The following OTUD7B variants were observed in gnomAD, a reference collection of about 807,000 sequenced individuals.
OTUD7B encodes the protein OTU deubiquitinase 7B.
In OTUD7B, 34 loss-of-function variants were observed where a neutral mutation model predicts 82.2. That is an observed-to-expected ratio of 0.41 (90% CI 0.31 to 0.55). OTUD7B has a LOEUF of 0.55. OTUD7B is among the 20% of genes least tolerant of loss of function. The pLI, the probability that OTUD7B is intolerant of heterozygous loss-of-function variation, is 0.20. For synonymous variants in OTUD7B, 398 were observed against 402.7 expected (o/e 0.99, Z 0.14); for missense variants, 944 against 1,062.1 (o/e 0.89, Z 1.55).
chr1:150,065,850 T>C, the OTUD7B span, among the ~76,000 whole-genome samples: 1 of 152,204 alleles, frequency 6.6e-6, no homozygotes, highest in South Asian at 2.1e-4. Context: ...GTTCAAAATG[T>C]TTATGTTCCA....
chr1:150,061,020 C>T, the OTUD7B span, among the ~76,000 whole-genome samples: 14 of 150,870 alleles, frequency 9.3e-5, no homozygotes, highest in Non-Finnish European at 1.6e-4. Flanking sequence ...TCATCGCACC[C>T]GGCTGACTAA....
intron 1 of OTUD7B, among the ~76,000 whole-genome samples, chr1:149,985,068 C>G (rs1553780552): frequency 6.6e-6 from 1 of 152,144 alleles, no homozygotes; most frequent in African/African-American, 2.4e-5. Flanking sequence ...TCCCACTGTT[C>G]TAAATTCTTC....
intron 1 of OTUD7B, among the ~76,000 whole-genome samples, chr1:149,995,147 C>A (rs1004465273): frequency 1.3e-5 from 2 of 152,204 alleles, no homozygotes; most frequent in Admixed American, 6.5e-5. Flanking sequence ...TTATTGTGCA[C>A]CTAATCCAAG....
At chr1:150,030,120 A>C in the OTUD7B span, among the ~76,000 whole-genome samples, 370 of 152,310 alleles carry the variant, frequency 2.4e-3, 1 homozygote, top group Non-Finnish European at 4.1e-3. Flanking sequence ...TTAAATATCA[A>C]ATTTAAGTTA....
At chr1:149,966,425 G>A (rs935650923) in intron 4 of OTUD7B, among the ~76,000 whole-genome samples, 10 of 152,096 alleles carry the variant, frequency 6.6e-5, no homozygotes, top group African/African-American at 2.2e-4. Context: ...ACAACTCAAA[G>A]CATGTATTTA....
At chr1:149,973,317 A>G (rs1650056934) in intron 2 of OTUD7B, among the ~76,000 whole-genome samples, 1 of 152,142 alleles carries the variant, frequency 6.6e-6, no homozygotes, top group Admixed American at 6.5e-5. Context: ...CTAGCTACTC[A>G]GGAGGCTGAG....
chr1:149,943,898 C>CCCT lies in OTUD7B; in HGVS notation c.2488_2490dup (p.Arg830dup). Reference sequence around the variant, plus strand: ...AGGAGCTCCCCATCCGGTTCCCGCTCCCTCCTCCTCAGTTCTTCCCTGTAA... The same window carrying CCCT: ...AGGAGCTCCCCATCCGGTTCCCGCTCCCTCCTCCTCCTCAGTTCTTCCCTGTAA... On this transcript the variant is annotated inframe_insertion, in exon 12 of 12. Transcript: ENST00000581312. The CCCT allele has an allele frequency of 6.2e-7, 1 of 1,614,254 alleles. No homozygotes were observed. Among genetic ancestry groups the CCCT allele is most frequent in the Non-Finnish European group, 8.5e-7 (1 of 1,180,052 alleles).
chr1:150,056,017 T>C, the OTUD7B span, among the ~76,000 whole-genome samples: 1 of 152,058 alleles, frequency 6.6e-6, no homozygotes, highest in Non-Finnish European at 1.5e-5. Flanking sequence ...AACCTGCACA[T>C]GTACCCCCGA....
At chr1:150,029,021 T>C in the OTUD7B span, among the ~76,000 whole-genome samples, 1 of 152,168 alleles carries the variant, frequency 6.6e-6, no homozygotes. Flanking sequence ...TCAATTCATA[T>C]GCTGATGAAC....
intron 1 of OTUD7B, among the ~76,000 whole-genome samples, chr1:149,989,663 C>T (rs79319620): frequency 0.049 from 6,986 of 143,102 alleles, 213 homozygotes; most frequent in Non-Finnish European, 0.073. Context: ...CAATCGAGGC[C>T]AGGCATTCAA....
At chr1:150,054,171 C>T in the OTUD7B span, 33 of 384,432 alleles carry the variant, frequency 8.6e-5, no homozygotes, top group Non-Finnish European at 1.3e-4. Flanking sequence ...AACGGTGGTA[C>T]GCAGGTGGTT....
At chr1:149,982,657 T>C (rs953778538) in intron 1 of OTUD7B, among the ~76,000 whole-genome samples, 51 of 151,966 alleles carry the variant, frequency 3.4e-4, no homozygotes, top group African/African-American at 1.2e-3. Flanking sequence ...AGTATCCATC[T>C]GCACAACTCG....
At chr1:149,959,221 A>G (rs1175215718) in intron 7 of OTUD7B, among the ~76,000 whole-genome samples, 2 of 3,922 alleles carry the variant, frequency 5.1e-4, no homozygotes, top group African/African-American at 2.2e-3. Flanking sequence ...ACTCTGTCTC[A>G]AAAAAAAAAG....
At chr1:149,970,797 A>G (rs781821822) in intron 3 of OTUD7B, among the ~76,000 whole-genome samples, 15 of 152,170 alleles carry the variant, frequency 9.9e-5, no homozygotes, top group Non-Finnish European at 1.5e-4. Context: ...TGTGAACTTT[A>G]TATCAACAAG....
At chr1:149,970,217 GA>G (rs880002316) in intron 3 of OTUD7B, among the ~76,000 whole-genome samples, 4 of 145,924 alleles carry the variant, frequency 2.7e-5, no homozygotes, top group East Asian at 4.0e-4. Context: ...ATTGCCTCAA[GA>G]AAAAAAAAAA....
chr1:149,996,753 G>C (rs990943567), intron 1 of OTUD7B, among the ~76,000 whole-genome samples: 1 of 152,130 alleles, frequency 6.6e-6, no homozygotes, highest in African/African-American at 2.4e-5. Flanking sequence ...TATAACTCAG[G>C]CTAGGATCTT....
chr1:150,040,462 G>A, the OTUD7B span, among the ~76,000 whole-genome samples: 5 of 152,022 alleles, frequency 3.3e-5, no homozygotes, highest in Admixed American at 3.3e-4. Flanking sequence ...ACCTGTTGTT[G>A]AATTAAAATT....
chr1:150,036,415 A>G, the OTUD7B span, among the ~76,000 whole-genome samples: 1 of 151,806 alleles, frequency 6.6e-6, no homozygotes, highest in Admixed American at 6.6e-5. Flanking sequence ...ATGTGCCACC[A>G]CACTCAACTA....
At chr1:149,959,916 T>A (rs1344221022) in intron 6 of OTUD7B, 120 bp from the exon 7 acceptor site, 1 of 671,554 alleles carries the variant, frequency 1.5e-6, no homozygotes, top group African/African-American at 1.8e-5. Flanking sequence ...GGTTTACAAA[T>A]TGTACTACAA....
Sources: gnomAD v4.1 joint callset for allele counts (sites outside exome capture counted in the v4.1 genomes callset) on GRCh38, gnomAD v4.1.1 for gene constraint, MANE v1.5 for transcripts, NCBI Gene and HGNC (gene_info 2026-07-23, HGNC 2026-07-21) for gene names.